The following TNFSF4 variants were observed in gnomAD, a reference collection of about 807,000 sequenced individuals.
The protein encoded by TNFSF4 is tumor necrosis factor ligand superfamily member 4.
In TNFSF4, 4 loss-of-function variants were observed where a neutral mutation model predicts 7.3. The ratio of observed to expected loss-of-function variants is 0.55; its 90% CI spans 0.27 to 1.25. The LOEUF is 1.25. TNFSF4 is among the 50% of genes most tolerant of loss of function. The pLI is 0.12. For synonymous variants in TNFSF4, 76 were observed against 83.7 expected (o/e 0.91, Z 0.50); for missense variants, 181 against 208.8 (o/e 0.87, Z 0.82).
At chr1:173,191,974 T>C (rs1571189519) in intron 1 of TNFSF4, among the ~76,000 whole-genome samples, 1 of 152,118 alleles carries the variant, frequency 6.6e-6, no homozygotes, top group Non-Finnish European at 1.5e-5. Flanking sequence ...ATCAGGAGTT[T>C]GAGACCAGCC....
chr1:173,401,027 T>C, the TNFSF4 span, among the ~76,000 whole-genome samples: 1 of 152,110 alleles, frequency 6.6e-6, no homozygotes, highest in Non-Finnish European at 1.5e-5. Flanking sequence ...TGTGCATATA[T>C]ATATATACAT....
chr1:173,318,602 T>C, the TNFSF4 span, among the ~76,000 whole-genome samples: 1 of 152,192 alleles, frequency 6.6e-6, no homozygotes, highest in Non-Finnish European at 1.5e-5. Context: ...TACTAAAATA[T>C]TGGAATATAT....
chr1:173,425,475 T>C, the TNFSF4 span, among the ~76,000 whole-genome samples: 1 of 152,232 alleles, frequency 6.6e-6, no homozygotes, highest in Admixed American at 6.5e-5. Flanking sequence ...CCCCAGGATT[T>C]AGCAAATAAT....
At chr1:173,228,931 G>T in the TNFSF4 span, among the ~76,000 whole-genome samples, 1 of 152,214 alleles carries the variant, frequency 6.6e-6, no homozygotes, top group Non-Finnish European at 1.5e-5. Flanking sequence ...GGGACTATGT[G>T]AAGAGACCAA....
the TNFSF4 span, among the ~76,000 whole-genome samples, chr1:173,289,132 G>A: frequency 1.3e-5 from 2 of 152,090 alleles, no homozygotes; most frequent in East Asian, 3.9e-4. Flanking sequence ...TCAAGTCAGT[G>A]TTGGAGAAAA....
the TNFSF4 span, among the ~76,000 whole-genome samples, chr1:173,300,901 A>G: frequency 6.6e-6 from 1 of 151,726 alleles, no homozygotes; most frequent in Non-Finnish European, 1.5e-5. Context: ...CTTTATCAGG[A>G]AAGTAGGGAT....
chr1:173,174,087 A>T, the TNFSF4 span, among the ~76,000 whole-genome samples: 1 of 152,164 alleles, frequency 6.6e-6, no homozygotes, highest in Non-Finnish European at 1.5e-5. Context: ...GATACTCTAA[A>T]TCACCTCTCT....
the TNFSF4 span, among the ~76,000 whole-genome samples, chr1:173,446,673 A>G: frequency 4.6e-5 from 7 of 152,204 alleles, no homozygotes; most frequent in Non-Finnish European, 8.8e-5. Flanking sequence ...GAGAAGATGG[A>G]AAAGTAGACT....
the TNFSF4 span, among the ~76,000 whole-genome samples, chr1:173,329,177 T>C: frequency 6.6e-6 from 1 of 152,164 alleles, no homozygotes; most frequent in Non-Finnish European, 1.5e-5. Flanking sequence ...TAGGTATCCT[T>C]TGGGGATTTG....
At chr1:173,294,458 G>A in the TNFSF4 span, among the ~76,000 whole-genome samples, 3 of 151,934 alleles carry the variant, frequency 2.0e-5, no homozygotes, top group Non-Finnish European at 2.9e-5. Flanking sequence ...CTAGAATGGG[G>A]AGGGTCATAG....
chr1:173,190,297 T>C (rs903820415), intron 1 of TNFSF4, among the ~76,000 whole-genome samples: 12 of 152,212 alleles, frequency 7.9e-5, no homozygotes, highest in African/African-American at 2.9e-4. Context: ...TGAAGACGGA[T>C]TTGTTTTTAT....
At chr1:173,411,531 G>A in the TNFSF4 span, among the ~76,000 whole-genome samples, 47 of 152,334 alleles carry the variant, frequency 3.1e-4, no homozygotes, top group Middle Eastern at 0.02. Context: ...TGAGTGCAGT[G>A]GCTCACTCCT....
the TNFSF4 span, among the ~76,000 whole-genome samples, chr1:173,311,322 T>C: frequency 2.0e-5 from 3 of 152,074 alleles, no homozygotes; most frequent in Admixed American, 1.3e-4. Context: ...ATATTAACTA[T>C]AACAGAAGAT....
Position 173,188,795 on chromosome 1 carries a change from C to A in TNFSF4, c.154-226G>T, listed in dbSNP as rs891777549. Among the ~76,000 whole-genome samples the A allele has an allele frequency of 2.0e-5, 3 of 152,154 alleles. No homozygotes were observed. In the South Asian group the frequency reaches 6.2e-4, roughly 32 times the overall value. On this transcript the variant is annotated intron_variant, in intron 1 of 2. Coordinates refer to ENST00000281834, the MANE Select transcript of TNFSF4 (RefSeq NM_003326.5). ...TGACACAATCACGGCTCCCTGCAGCCTCCGCCTCCCTGGGCTCAGTGATTC... is the reference window on the plus strand; with the variant it reads ...TGACACAATCACGGCTCCCTGCAGCATCCGCCTCCCTGGGCTCAGTGATTC...
the TNFSF4 span, among the ~76,000 whole-genome samples, chr1:173,395,390 ATATATATATAT>A: frequency 1.3e-5 from 1 of 76,108 alleles, no homozygotes; most frequent in Non-Finnish European, 2.7e-5. Context: ...ATATATATAT[ATATATATATAT>A]ATATATATAT....
the TNFSF4 span, among the ~76,000 whole-genome samples, chr1:173,352,222 C>G: frequency 6.6e-6 from 1 of 152,098 alleles, no homozygotes; most frequent in African/African-American, 2.4e-5. Flanking sequence ...TTCTCAGGAG[C>G]GGGGACACCT....
At chr1:173,188,146 GC>G (rs1419312115) in intron 2 of TNFSF4, among the ~76,000 whole-genome samples, 1 of 152,116 alleles carries the variant, frequency 6.6e-6, no homozygotes, top group African/African-American at 2.4e-5. Flanking sequence ...GTAAACTCTT[GC>G]CCCAGAATAC....
At chr1:173,303,263 C>A in the TNFSF4 span, among the ~76,000 whole-genome samples, 1 of 151,798 alleles carries the variant, frequency 6.6e-6, no homozygotes, top group African/African-American at 2.4e-5. Flanking sequence ...AGTCATACCC[C>A]CCAAGTCTGC....
the TNFSF4 span, among the ~76,000 whole-genome samples, chr1:173,328,325 A>G: frequency 1.6e-5 from 2 of 128,150 alleles, no homozygotes; most frequent in South Asian, 5.4e-4. Context: ...GGACACAGGA[A>G]GGGGAACATC....
Sources: allele counts gnomAD v4.1 joint callset (sites outside exome capture counted in the v4.1 genomes callset), GRCh38; gene constraint gnomAD v4.1.1; transcripts MANE v1.5; gene names NCBI Gene and HGNC (gene_info 2026-07-23, HGNC 2026-07-21).